The following CRTC1 variants were observed in gnomAD, a reference collection of about 807,000 sequenced individuals.
CRTC1 encodes the protein CREB-regulated transcription coactivator 1.
In CRTC1, 18 loss-of-function variants were observed where a neutral mutation model predicts 66.1. The ratio of observed to expected loss-of-function variants is 0.27; its 90% CI spans 0.19 to 0.40. The LOEUF (loss-of-function observed/expected upper bound fraction) is 0.40. CRTC1 is among the 10% of genes least tolerant of loss of function. The pLI is 1.00. For missense variants in CRTC1, 669 were observed against 887.9 expected (o/e 0.75, Z 3.13); for synonymous variants, 416 against 398.8 (o/e 1.04, Z -0.51).
rs1396779232 is a variant in CRTC1, at chr19:18,781,957, C to G, written c.*4575C>G. On this transcript the variant is annotated 3_prime_UTR_variant, in exon 14 of 14. Transcript: ENST00000321949. ...TGATCTCCTGCCCACCAGGAGGGGA[C>G]TTAGCCATGGACTTGGCCAGTAGGC... is the stretch of plus-strand genomic sequence containing the variant. 2 of 230,326 alleles carry G rather than the reference C, an allele frequency of 8.7e-6. No individual in the cohort carries two copies. The highest frequency in any genetic ancestry group is 2.2e-5 in the African/African-American group (1 of 45,132). The allele number at this position is 230,326 out of a possible 1,614,324, so 14.3% of individuals were successfully genotyped here.
In CRTC1 at chr19:18,760,863, T is replaced by A. The variant is rs1049726499; in HGVS notation, c.886+635T>A. ...ACATGGACCTGACCCATTGTCAGCG[T>A]GTCCTGTCGGTTCCGCCCTCAGGAC... On this transcript the variant is annotated intron_variant, in intron 8 of 13. Transcript: ENST00000321949. The surrounding 1 kb of genome is among the most constrained non-coding windows in gnomAD (Gnocchi z 6.2). Among the ~76,000 whole-genome samples the A allele has an allele frequency of 1.3e-5, 2 of 151,854 alleles. No individual in the cohort carries two copies. Among genetic ancestry groups the A allele is most frequent in the Non-Finnish European group, 2.9e-5 (2 of 67,922 alleles).
chr19:18,715,662 C>T (rs1455368966), intron 1 of CRTC1, among the ~76,000 whole-genome samples: 1 of 152,262 alleles, frequency 6.6e-6, no homozygotes, highest in African/African-American at 2.4e-5. Context: ...GTCCTCCCCT[C>T]TTCCCCTGCT....
At chr19:18,769,440 C>T (rs1211873530) in intron 10 of CRTC1, among the ~76,000 whole-genome samples, 1 of 152,254 alleles carries the variant, frequency 6.6e-6, no homozygotes, top group Non-Finnish European at 1.5e-5. Flanking sequence ...GTTCCGGGCA[C>T]AATGAGTCCT....
At chr19:18,710,950 C>T (rs1047482105) in intron 1 of CRTC1, among the ~76,000 whole-genome samples, 3 of 152,198 alleles carry the variant, frequency 2.0e-5, no homozygotes, top group African/African-American at 7.2e-5. Context: ...CATGCCCAGG[C>T]TTGGCCAGTC....
At chr19:18,707,061 T>G (rs190732320) in intron 1 of CRTC1, among the ~76,000 whole-genome samples, 3 of 152,160 alleles carry the variant, frequency 2.0e-5, no homozygotes, top group Non-Finnish European at 2.9e-5. Flanking sequence ...AATTTATGTA[T>G]TTTTTCTTTT....
intron 1 of CRTC1, among the ~76,000 whole-genome samples, chr19:18,740,194 A>G (rs1002612312): frequency 1.3e-5 from 2 of 152,040 alleles, no homozygotes; most frequent in African/African-American, 4.8e-5. Context: ...TGGAGGTTGC[A>G]GTAAGCCGAG....
chr19:18,738,416 C>G (rs552740806), intron 1 of CRTC1, among the ~76,000 whole-genome samples: 1 of 152,198 alleles, frequency 6.6e-6, no homozygotes, highest in Non-Finnish European at 1.5e-5. Flanking sequence ...CCCCAATCCC[C>G]GTGTTGTCTC....
intron 7 of CRTC1, 101 bp downstream of exon 7, chr19:18,759,692 A>G: frequency 7.6e-7 from 1 of 1,318,070 alleles, no homozygotes; most frequent in Non-Finnish European, 1.1e-6. Flanking sequence ...AGTCCCTGCA[A>G]GAGGGACACT....
chr19:18,711,790 A>G (rs759896966), intron 1 of CRTC1, among the ~76,000 whole-genome samples: 4 of 152,118 alleles, frequency 2.6e-5, no homozygotes, highest in African/African-American at 9.7e-5. Context: ...TCTTCCTTAT[A>G]CACATGTGGG....
chr19:18,747,246 T>G (rs1345210663), intron 4 of CRTC1, 132 bp downstream of exon 4: 3 of 650,538 alleles, frequency 4.6e-6, no homozygotes, highest in Non-Finnish European at 7.8e-6. Flanking sequence ...TCCAGAAGTT[T>G]CTAGAAATTA....
intron 1 of CRTC1, among the ~76,000 whole-genome samples, chr19:18,687,072 G>GT (rs1201703320): frequency 2.1e-5 from 3 of 142,970 alleles, no homozygotes; most frequent in Non-Finnish European, 3.0e-5. Flanking sequence ...CTGGAGTGCA[G>GT]TGGCGCAATC....
At chr19:18,763,444 G>A (rs1422990010) in intron 8 of CRTC1, among the ~76,000 whole-genome samples, 1 of 152,194 alleles carries the variant, frequency 6.6e-6, no homozygotes, top group African/African-American at 2.4e-5. Flanking sequence ...TGTAGCCTGG[G>A]AACAAGGGCC....
rs79060540 is a variant in CRTC1, at chr19:18,733,722, T to C, written c.127-9188T>C. On this transcript the variant is annotated intron_variant, in intron 1 of 13. Coordinates refer to ENST00000321949, the MANE Select transcript of CRTC1 (RefSeq NM_015321.3). ...TCAGTAAACGTGGGGACCCACGGCA[T>C]GGAGGGACTGAGGCAAAAACAAAGT... Among the ~76,000 whole-genome samples the C allele has an allele frequency of 1.6e-3, 248 of 152,344 alleles. 1 individual carries two copies. The highest frequency in any genetic ancestry group is 5.8e-3 in the African/African-American group (240 of 41,592).
intron 1 of CRTC1, among the ~76,000 whole-genome samples, chr19:18,701,098 G>C (rs1311000408): frequency 1.3e-5 from 2 of 152,204 alleles, no homozygotes; most frequent in Non-Finnish European, 2.9e-5. Flanking sequence ...AGGCGGCCTC[G>C]GCCTCTGTTC....
rs1412230771 is a variant in CRTC1 at position 18,761,098 on chromosome 19, GTAGT to G, written c.886+871_886+874del. On this transcript the variant is annotated intron_variant, in intron 8 of 13. Coordinates refer to ENST00000321949, the MANE Select transcript of CRTC1 (RefSeq NM_015321.3). ...GTCCCACCTCAGGGCCTCTGCACAT[GTAGT>G]CCTTCCTCTCCAGGAGGCTGCAGGC... 7.0e-3 allele frequency among the ~76,000 whole-genome samples: 1,069 copies of G among 152,292 alleles called. 18 individuals carry two copies. The highest frequency in any genetic ancestry group is 0.025 in the African/African-American group (1,036 of 41,550).
chr19:18,732,595 T>G (rs2053914863), intron 1 of CRTC1, among the ~76,000 whole-genome samples: 1 of 152,116 alleles, frequency 6.6e-6, no homozygotes, highest in Admixed American at 6.5e-5. Flanking sequence ...CAGGGCTTCC[T>G]GGGGAGGTAG....
At chr19:18,766,666 C>G (rs978231921) in intron 9 of CRTC1, among the ~76,000 whole-genome samples, 1 of 152,132 alleles carries the variant, frequency 6.6e-6, no homozygotes, top group African/African-American at 2.4e-5. Flanking sequence ...AGGCTGGTCT[C>G]GAACTCCTGG....
chr19:18,769,869 T>C (rs1311245916), intron 10 of CRTC1, among the ~76,000 whole-genome samples: 1 of 151,594 alleles, frequency 6.6e-6, no homozygotes, highest in Non-Finnish European at 1.5e-5. Context: ...GACTCTTGAG[T>C]TTTTGCACAG....
intron 10 of CRTC1, among the ~76,000 whole-genome samples, chr19:18,770,282 C>T (rs1303009074): frequency 1.3e-5 from 2 of 152,232 alleles, no homozygotes; most frequent in Admixed American, 6.5e-5. Context: ...GATGCCCGGG[C>T]CTTTCGTCCC....
Sources: gnomAD v4.1 joint callset for allele counts (sites outside exome capture counted in the v4.1 genomes callset) on GRCh38, gnomAD v4.1.1 for gene constraint, Gnocchi (gnomAD v3.1) non-coding constraint, MANE v1.5 for transcripts, NCBI Gene and HGNC (gene_info 2026-07-23, HGNC 2026-07-21) for gene names.